Variants in RNF2 observed in about 807,000 individuals in gnomAD.
RNF2 encodes ring finger protein 2.
Under a neutral mutation model 37.2 loss-of-function variants are expected in RNF2, and 6 were observed. The observed-to-expected ratio is 0.16, with a 90% CI of 0.09 to 0.32. The LOEUF is 0.32. RNF2 is among the 10% of genes least tolerant of loss of function. The pLI is 1.00. For synonymous variants in RNF2, 133 were observed against 132.7 expected (o/e 1.00, Z -0.02); for missense variants, 251 against 404.0 (o/e 0.62, Z 3.25).
At position 185,096,262 on chromosome 1, in the gene RNF2, A is replaced by C. The variant is rs572779920; in HGVS notation, c.465-1810A>C. Among the ~76,000 whole-genome samples, 13 of 152,294 alleles carry C rather than the reference A, an allele frequency of 8.5e-5. No homozygotes were observed. In the East Asian group the frequency reaches 2.3e-3, roughly 27 times the overall value. On this transcript the variant is annotated intron_variant, in intron 4 of 6. Transcript: ENST00000367510. Reference sequence around the variant, plus strand: ...TTTTTTTCAAAAATTGTGGTAAAAGACATATAACAGAATTTTCCATCTTAA... The same window carrying C: ...TTTTTTTCAAAAATTGTGGTAAAAGCCATATAACAGAATTTTCCATCTTAA...
intron 1 of RNF2, among the ~76,000 whole-genome samples, chr1:185,070,702 G>A (rs971989958): frequency 4.7e-5 from 7 of 148,396 alleles, no homozygotes; most frequent in Non-Finnish European, 8.9e-5. Context: ...GCAGTGGCGC[G>A]ATCTCAGCTC....
At chr1:185,076,016 A>G (rs1003318028) in intron 1 of RNF2, among the ~76,000 whole-genome samples, 5 of 151,938 alleles carry the variant, frequency 3.3e-5, no homozygotes, top group African/African-American at 1.2e-4. Flanking sequence ...CATTTTGCTT[A>G]TATTGTCTTT....
At chr1:185,073,647 C>G (rs767498417) in intron 1 of RNF2, among the ~76,000 whole-genome samples, 3 of 152,122 alleles carry the variant, frequency 2.0e-5, no homozygotes, top group Non-Finnish European at 4.4e-5. Flanking sequence ...TACTGTGGTT[C>G]TAAGGGCTGA....
intron 1 of RNF2, among the ~76,000 whole-genome samples, chr1:185,058,119 C>T (rs1207825708): frequency 6.6e-6 from 1 of 152,096 alleles, no homozygotes; most frequent in Non-Finnish European, 1.5e-5. Flanking sequence ...GAGCGATACC[C>T]CATCTCAGAT....
intron 1 of RNF2, among the ~76,000 whole-genome samples, chr1:185,060,631 G>A (rs1650570765): frequency 6.6e-6 from 1 of 152,196 alleles, no homozygotes; most frequent in Admixed American, 6.5e-5. Flanking sequence ...TTATGCCAAA[G>A]TCTGAGGTTT....
intron 1 of RNF2, among the ~76,000 whole-genome samples, chr1:185,051,823 CAT>C (rs1650280007): frequency 1.3e-5 from 2 of 148,424 alleles, no homozygotes; most frequent in African/African-American, 2.5e-5. Context: ...TATATACACA[CAT>C]TTTATGTATA....
intron 1 of RNF2, among the ~76,000 whole-genome samples, chr1:185,086,742 G>T (rs1209679532): frequency 6.6e-6 from 1 of 152,186 alleles, no homozygotes; most frequent in Non-Finnish European, 1.5e-5. Flanking sequence ...AATTTTTCAT[G>T]AGTGAAGCTG....
chr1:185,081,034 A>G (rs757546179), intron 1 of RNF2, among the ~76,000 whole-genome samples: 3 of 152,176 alleles, frequency 2.0e-5, no homozygotes, highest in Admixed American at 6.5e-5. Context: ...TGAAAGATCT[A>G]TCTAGGATAT....
At chr1:185,048,657 T>G (rs1650183000) in intron 1 of RNF2, among the ~76,000 whole-genome samples, 1 of 152,200 alleles carries the variant, frequency 6.6e-6, no homozygotes, top group Non-Finnish European at 1.5e-5. Flanking sequence ...ATATGTTACT[T>G]ACGGGCTCTT....
intron 1 of RNF2, among the ~76,000 whole-genome samples, chr1:185,056,510 C>T (rs2102155871): frequency 6.8e-6 from 1 of 148,054 alleles, no homozygotes; most frequent in Middle Eastern, 3.5e-3. Flanking sequence ...AGGTGTCTAC[C>T]ATCACACCTG....
At chr1:185,095,888 A>G (rs549366584) in intron 4 of RNF2, among the ~76,000 whole-genome samples, 14 of 152,276 alleles carry the variant, frequency 9.2e-5, no homozygotes, top group Admixed American at 2.6e-4. Context: ...TTTGTTCCTC[A>G]TATGACACTC....
chr1:185,050,556 T>C (rs939698211), intron 1 of RNF2, among the ~76,000 whole-genome samples: 1 of 152,258 alleles, frequency 6.6e-6, no homozygotes, highest in African/African-American at 2.4e-5. Context: ...ACTTTTAGCT[T>C]AGTACTGTGC....
At chr1:185,094,999 A>G (rs146480973) in intron 4 of RNF2, among the ~76,000 whole-genome samples, 2 of 152,302 alleles carry the variant, frequency 1.3e-5, no homozygotes, top group East Asian at 3.9e-4. Context: ...TCTGCTTTTA[A>G]GTTTCCATAG....
At chr1:185,087,813 A>G (rs12043617) in intron 2 of RNF2, among the ~76,000 whole-genome samples, 173 bp downstream of exon 2, 14,890 of 152,214 alleles carry the variant, frequency 0.098, 944 homozygotes, top group East Asian at 0.26. Flanking sequence ...TAATCTGAAT[A>G]CTCTATACAA....
chr1:185,070,609 A>G (rs1235921269), intron 1 of RNF2, among the ~76,000 whole-genome samples: 1 of 150,954 alleles, frequency 6.6e-6, no homozygotes, highest in Non-Finnish European at 1.5e-5. Context: ...TGCTACATCT[A>G]ACTTCTGTAG....
At chr1:185,059,344 T>G (rs761964213) in intron 1 of RNF2, among the ~76,000 whole-genome samples, 14 of 152,206 alleles carry the variant, frequency 9.2e-5, no homozygotes, top group Non-Finnish European at 1.8e-4. Flanking sequence ...TTGGCTATTT[T>G]TGCCTTAAAA....
intron 2 of RNF2, 56 bp from the exon 3 acceptor site, chr1:185,091,523 G>A: frequency 5.8e-6 from 9 of 1,541,158 alleles, no homozygotes; most frequent in Non-Finnish European, 8.0e-6. Flanking sequence ...ATATGTTTGA[G>A]CTTGTCCATA....
At chr1:185,095,797 T>G (rs1340801347) in intron 4 of RNF2, among the ~76,000 whole-genome samples, 2 of 150,558 alleles carry the variant, frequency 1.3e-5, no homozygotes, top group Non-Finnish European at 2.9e-5. Context: ...ATTCTACTTC[T>G]GTGTTTACAA....
intron 1 of RNF2, among the ~76,000 whole-genome samples, chr1:185,047,665 C>G (rs928125321): frequency 3.3e-5 from 5 of 152,130 alleles, no homozygotes; most frequent in African/African-American, 1.2e-4. Context: ...TTAAAACGCA[C>G]TTTATTAAAA....
Sources: gnomAD v4.1 joint callset for allele counts (sites outside exome capture counted in the v4.1 genomes callset) on GRCh38, gnomAD v4.1.1 for gene constraint, MANE v1.5 for transcripts, NCBI Gene and HGNC (gene_info 2026-07-23, HGNC 2026-07-21) for gene names.